The following NBDY variants were observed in gnomAD, a reference collection of about 807,000 sequenced individuals.
NBDY encodes the protein P-body dissociating protein.
intron 1 of NBDY, among the ~76,000 whole-genome samples, chrX:56,731,240 G>A (rs1049182581): frequency 9.1e-6 from 1 of 110,194 alleles, no homozygotes; most frequent in African/African-American, 3.3e-5. Context: ...GTTGCAGGGA[G>A]TAGGGAGAAA....
chrX:56,741,912 C>G (rs961725131), intron 2 of NBDY, among the ~76,000 whole-genome samples: 21 of 111,541 alleles, frequency 1.9e-4, no homozygotes, highest in African/African-American at 6.8e-4. Context: ...TTGCCCAGAT[C>G]AATGTCCTGG....
chrX:56,793,876 C>T (rs2069776943), intron 2 of NBDY, among the ~76,000 whole-genome samples: 1 of 111,648 alleles, frequency 9.0e-6, no homozygotes, highest in Non-Finnish European at 1.9e-5. Flanking sequence ...CATGAGTCAC[C>T]CCACACTCAG....
chrX:56,735,730 A>T (rs1169037135), intron 2 of NBDY, among the ~76,000 whole-genome samples: 1 of 111,570 alleles, frequency 9.0e-6, no homozygotes, highest in Non-Finnish European at 1.9e-5. Flanking sequence ...CTTTGGAGAG[A>T]TCTACTCAGG....
chrX:56,786,732 C>T lies in NBDY; in HGVS notation c.*167-30588C>T, dbSNP rs1185501230. 5.5e-5 allele frequency among the ~76,000 whole-genome samples: 6 copies of T among 109,901 alleles called. No individual in the cohort carries two copies. In the Admixed American group the frequency reaches 5.9e-4, roughly 11 times the overall value. On this transcript the variant is annotated intron_variant, in intron 2 of 2. Transcript: ENST00000374922. ...TTTGCTTCTGCTTCAGCTTTTTTTC[C>T]CCCCTTCACTGTCGGATCTGGGCGG...
intron 2 of NBDY, among the ~76,000 whole-genome samples, chrX:56,789,569 A>G (rs993662628): frequency 8.9e-6 from 1 of 111,910 alleles, no homozygotes; most frequent in African/African-American, 3.3e-5. Flanking sequence ...GCCAGGTCCA[A>G]CAGGCATCCA....
rs1003454418 is a variant in NBDY at position 56,732,150 on chromosome X, G to A, written c.*117G>A. On this transcript the variant is annotated 3_prime_UTR_variant, in exon 2 of 3. Coordinates refer to ENST00000374922, the MANE Select transcript of NBDY (RefSeq NM_001348129.2). ...GAAAACAATGAAGATTATTTACAAT[G>A]CTACCCTGCTTTTTCTGGTGTCCTG... 2 of 294,772 alleles carry A rather than the reference G, an allele frequency of 6.8e-6. No individual in the cohort carries two copies. Among genetic ancestry groups the A allele is most frequent in the Non-Finnish European group, 1.2e-5 (2 of 169,659 alleles). The allele number at this position is 294,772 out of a possible 1,213,427, so 24.3% of individuals were successfully genotyped here. A position where few individuals can be genotyped will look rare whatever the true frequency, so the allele number is the denominator to read the frequency against.
At chrX:56,739,059 C>T (rs770879127) in intron 2 of NBDY, among the ~76,000 whole-genome samples, 28 of 105,647 alleles carry the variant, frequency 2.7e-4, no homozygotes, top group Non-Finnish European at 4.7e-4. Context: ...AATTTCTTTA[C>T]GACCAGCTCC....
chrX:56,747,794 C>T (rs1200684330), intron 2 of NBDY, among the ~76,000 whole-genome samples: 1 of 111,561 alleles, frequency 9.0e-6, no homozygotes, highest in Non-Finnish European at 1.9e-5. Flanking sequence ...TGAACTCAGC[C>T]AATGGTAGTT....
At chrX:56,796,071 T>C (rs773716675) in intron 2 of NBDY, among the ~76,000 whole-genome samples, 1 of 111,892 alleles carries the variant, frequency 8.9e-6, no homozygotes, top group South Asian at 3.8e-4. Context: ...CAGTGGGCAG[T>C]TTTTCAGGTT....
intron 2 of NBDY, among the ~76,000 whole-genome samples, chrX:56,811,603 C>A (rs1384202543): frequency 1.8e-5 from 2 of 111,689 alleles, no homozygotes; most frequent in Non-Finnish European, 3.8e-5. Context: ...TATGCCACTC[C>A]CCCCACCAAG....
chrX:56,802,536 C>A (rs993613565), intron 2 of NBDY, among the ~76,000 whole-genome samples: 24 of 110,202 alleles, frequency 2.2e-4, no homozygotes, highest in African/African-American at 6.9e-4. Context: ...CCTGTGACTG[C>A]CTGTTGAGCT....
chrX:56,812,965 C>G (rs2069894464), intron 2 of NBDY, among the ~76,000 whole-genome samples: 1 of 110,815 alleles, frequency 9.0e-6, no homozygotes, highest in Non-Finnish European at 1.9e-5. Flanking sequence ...ATGAAAGTCA[C>G]CAGTTCAGTT....
chrX:56,789,508 T>G (rs1403049983), intron 2 of NBDY, among the ~76,000 whole-genome samples: 1 of 112,168 alleles, frequency 8.9e-6, no homozygotes, highest in Non-Finnish European at 1.9e-5. Flanking sequence ...CACTTGTCCC[T>G]AGGTAGCACT....
intron 2 of NBDY, among the ~76,000 whole-genome samples, chrX:56,793,782 A>C (rs181273852): frequency 3.8e-3 from 422 of 110,645 alleles, no homozygotes; most frequent in African/African-American, 0.013. Flanking sequence ...GTCTTTAGGA[A>C]AGGGCAGTCA....
intron 2 of NBDY, among the ~76,000 whole-genome samples, chrX:56,806,166 T>C (rs759745622): frequency 1.8e-5 from 2 of 112,247 alleles, no homozygotes; most frequent in African/African-American, 6.5e-5. Flanking sequence ...ATTTTATGGC[T>C]GCATAGTATT....
chrX:56,812,871 T>C (rs1015674391), intron 2 of NBDY, among the ~76,000 whole-genome samples: 1 of 111,225 alleles, frequency 9.0e-6, no homozygotes, highest in Non-Finnish European at 1.9e-5. Context: ...CGAGACTGCT[T>C]CTTCTGCTCA....
chrX:56,790,815 C>A (rs2069758123), intron 2 of NBDY, among the ~76,000 whole-genome samples: 1 of 112,415 alleles, frequency 8.9e-6, no homozygotes, highest in African/African-American at 3.2e-5. Context: ...TCTTAAGGGG[C>A]AGTTTCTCAG....
intron 2 of NBDY, among the ~76,000 whole-genome samples, chrX:56,787,134 G>A (rs186335609): frequency 1.8e-5 from 2 of 111,030 alleles, no homozygotes; most frequent in East Asian, 2.8e-4. Flanking sequence ...GTCTCTGCAC[G>A]TCCATTTGCT....
chrX:56,737,183 G>C lies in NBDY; in HGVS notation c.*166+4984G>C, dbSNP rs1460292976. On this transcript the variant is annotated intron_variant, in intron 2 of 2. Transcript: ENST00000374922. ...TGCAGACCAAATAATTCTTAAAATT[G>C]TTTGTTTCAAGTTTAACCATCTTCA... is the stretch of plus-strand genomic sequence containing the variant. The C allele has an allele frequency of 6.6e-5, 44 of 669,066 alleles. No homozygotes were observed. The South Asian group carries it at 9.5e-4, about 14-fold the overall frequency. The allele number at this position is 669,066 out of a possible 1,213,427, so 55.1% of individuals were successfully genotyped here.
Sources: gnomAD v4.1 joint callset for allele counts (sites outside exome capture counted in the v4.1 genomes callset) on GRCh38, gnomAD v4.1.1 for gene constraint, MANE v1.5 for transcripts, NCBI Gene and HGNC (gene_info 2026-07-23, HGNC 2026-07-21) for gene names.